The following DNAJB1 variants were observed in gnomAD, a reference collection of about 807,000 sequenced individuals.
The protein encoded by DNAJB1 is dnaJ homolog subfamily B member 1.
A neutral mutation model predicts 24.0 loss-of-function variants in DNAJB1; 14 were observed. The observed-to-expected ratio is 0.58, with a 90% confidence interval of 0.39 to 0.91. The LOEUF (loss-of-function observed/expected upper bound fraction) is 0.91, where lower values mean the gene tolerates loss of function less well. Ranked by LOEUF, DNAJB1 falls within the 40% of genes least tolerant of loss-of-function variation. DNAJB1 has a pLI of 0.00. For synonymous variants in DNAJB1, 262 were observed against 174.4 expected, an observed-to-expected ratio of 1.50 and a Z score of -3.96; for missense variants, 517 against 458.1, an observed-to-expected ratio of 1.13 and a Z score of -1.17.
chr19:14,520,996 A>T (rs1218965159), upstream of DNAJB1, among the ~76,000 whole-genome samples: 1 of 152,132 alleles, frequency 6.6e-6, no homozygotes, highest in African/African-American at 2.4e-5. Context: ...GAACCTCCCC[A>T]TAAAAAAATT....
At chr19:14,529,603 A>G (rs754965095), upstream of DNAJB1, 40 of 1,594,336 alleles carry the variant, frequency 2.5e-5, no homozygotes, top group Non-Finnish European at 3.2e-5. Flanking sequence ...CGTTTAGTCT[A>G]TCGCTGCGGT....
chr19:14,549,245 A>G (rs1599457354), intron 1 of DNAJB1, among the ~76,000 whole-genome samples: 1 of 120,498 alleles, frequency 8.3e-6, no homozygotes, highest in South Asian at 2.9e-4. Context: ...ATGGAGTCTC[A>G]CTCTGTCGCC....
At chr19:14,549,453 C>A (rs935906284) in intron 1 of DNAJB1, among the ~76,000 whole-genome samples, 1 of 151,936 alleles carries the variant, frequency 6.6e-6, no homozygotes, top group Non-Finnish European at 1.5e-5. Flanking sequence ...TCTTGAAGAC[C>A]TTGTGATCTG....
chr19:14,548,588 T>G (rs181434155), intron 1 of DNAJB1, among the ~76,000 whole-genome samples: 8 of 152,284 alleles, frequency 5.3e-5, no homozygotes, highest in African/African-American at 1.9e-4. Flanking sequence ...TCTCTTTTTT[T>G]TCTTTTAGAG....
At chr19:14,520,865 AG>A (rs1346076877), upstream of DNAJB1, among the ~76,000 whole-genome samples, 2 of 151,926 alleles carry the variant, frequency 1.3e-5, no homozygotes, top group African/African-American at 4.8e-5. Context: ...CAATGATGTG[AG>A]CCTGTAGTCC....
intron 1 of DNAJB1, among the ~76,000 whole-genome samples, chr19:14,540,077 TGAGACG>T: frequency 6.6e-6 from 1 of 150,428 alleles, no homozygotes; most frequent in Middle Eastern, 3.2e-3. Context: ...TTTTTTTTTT[TGAGACG>T]GAGTCTCGCT....
At chr19:14,547,822 G>A (rs973958292) in intron 1 of DNAJB1, among the ~76,000 whole-genome samples, 3 of 151,530 alleles carry the variant, frequency 2.0e-5, no homozygotes, top group Non-Finnish European at 1.5e-5. Flanking sequence ...ACCTACAGCC[G>A]GCTACTTTTG....
intron 1 of DNAJB1, among the ~76,000 whole-genome samples, chr19:14,542,973 T>C (rs1445103627): frequency 6.7e-5 from 10 of 150,156 alleles, no homozygotes; most frequent in African/African-American, 2.5e-4. Context: ...TGCAGTCTCC[T>C]GGGTCCTTCC....
chr19:14,532,541 G>A (rs1442908641), upstream of DNAJB1: 1 of 148,676 alleles, frequency 6.7e-6, no homozygotes, highest in African/African-American at 2.5e-5. Flanking sequence ...AAAAAGGGAA[G>A]CTTCAAACTC....
chr19:14,521,663 C>A (rs982851223), upstream of DNAJB1, among the ~76,000 whole-genome samples: 30 of 152,104 alleles, frequency 2.0e-4, no homozygotes, highest in Middle Eastern at 3.4e-3. Context: ...CTCTTGTAGC[C>A]CAGGCTGGAG....
chr19:14,538,541 T>C (rs1040627800), intron 1 of DNAJB1, among the ~76,000 whole-genome samples: 3 of 151,258 alleles, frequency 2.0e-5, no homozygotes, highest in Admixed American at 6.6e-5. Flanking sequence ...TTTTTCTTTT[T>C]TTTTTTTTTT....
chr19:14,542,353 T>TTTTTTTTTG (rs1176734322), intron 1 of DNAJB1, among the ~76,000 whole-genome samples: 1 of 77,896 alleles, frequency 1.3e-5, no homozygotes, highest in Non-Finnish European at 2.7e-5. Flanking sequence ...TAGTGTTTTT[T>TTTTTTTTTG]TTTTTTTTTT....
At chr19:14,557,436 C>T (rs1205147424) in intron 1 of DNAJB1, among the ~76,000 whole-genome samples, 1 of 150,484 alleles carries the variant, frequency 6.6e-6, no homozygotes, top group Non-Finnish European at 1.5e-5. Context: ...CCATAGTGCC[C>T]CGCCTAATCA....
exon 2 of DNAJB1, chr19:14,527,791 T>C (rs1386378759): frequency 6.6e-6 from 1 of 152,202 alleles, no homozygotes. Flanking sequence ...CAACAGCTCA[T>C]GAAAGCTCAG....
At chr19:14,517,380 T>C in intron 1 of DNAJB1, 2 of 265,888 alleles carry the variant, frequency 7.5e-6, no homozygotes, top group Non-Finnish European at 1.4e-5. Context: ...CAGGGTCGGC[T>C]TTCGGTAAGT....
Position 14,515,621 on chromosome 19 carries a change from T to G in DNAJB1, c.*319A>C, listed in dbSNP as rs8496. On this transcript the variant is annotated 3_prime_UTR_variant, in exon 3 of 3. Transcript: ENST00000254322. ...AAAAGACACAGAGGGATCAAGTCCA[T>G]CTGCTGGTCTGCCTCTCACCCCTGG... The G allele has an allele frequency of 0.15, 53,154 of 343,820 alleles. 4,870 individuals carry two copies. The highest frequency in any genetic ancestry group is 0.28 in the African/African-American group (12,765 of 45,522). 21.3% of individuals were successfully genotyped at this position (343,820 alleles called of 1,614,324 possible). A position where few individuals can be genotyped will look rare whatever the true frequency, so the allele number is the denominator to read the frequency against.
intron 1 of DNAJB1, among the ~76,000 whole-genome samples, chr19:14,559,855 C>T (rs903410516): frequency 6.6e-6 from 1 of 152,166 alleles, no homozygotes; most frequent in Non-Finnish European, 1.5e-5. Context: ...CCTGCTCCCC[C>T]CAGAGCCTTT....
At chr19:14,538,081 G>A (rs2072968817) in intron 1 of DNAJB1, among the ~76,000 whole-genome samples, 1 of 152,128 alleles carries the variant, frequency 6.6e-6, no homozygotes, top group Non-Finnish European at 1.5e-5. Context: ...TATCTAAATC[G>A]TGTACTAAAC....
intron 2 of DNAJB1, among the ~76,000 whole-genome samples, chr19:14,523,767 GC>G (rs1385091304): frequency 6.6e-6 from 1 of 152,014 alleles, no homozygotes; most frequent in African/African-American, 2.4e-5. Context: ...ACAGGTGCCT[GC>G]CACCATGCCC....
Sources: gnomAD v4.1 joint callset for allele counts (sites outside exome capture counted in the v4.1 genomes callset) on GRCh38, gnomAD v4.1.1 for gene constraint, MANE v1.5 for transcripts, NCBI Gene and HGNC (gene_info 2026-07-23, HGNC 2026-07-21) for gene names.